Variants in MME observed in about 807,000 individuals in gnomAD.
The protein encoded by MME is neprilysin.
MME carries 98 observed loss-of-function variants against 113.2 expected under a neutral mutation model. The ratio of observed to expected loss-of-function variants is 0.87; its 90% CI spans 0.74 to 1.02. The LOEUF (loss-of-function observed/expected upper bound fraction) is 1.02. Among genes scored for constraint, MME ranks in the 50% least tolerant of loss-of-function variants. The probability of loss-of-function intolerance (pLI) is 0.00; values close to 1 mark genes in which losing one functional copy is unlikely to be tolerated. For synonymous variants in MME, 292 were observed against 300.6 expected (o/e 0.97, Z 0.30); for missense variants, 836 against 896.0 (o/e 0.93, Z 0.86).
chr3:155,069,122 G>A (rs1025433794), intron 1 of MME, among the ~76,000 whole-genome samples: 1 of 152,042 alleles, frequency 6.6e-6, no homozygotes, highest in African/African-American at 2.4e-5. Flanking sequence ...GGAATATGTT[G>A]GACTAATTTT....
chr3:155,125,189 G>A (rs142776062), intron 8 of MME, among the ~76,000 whole-genome samples: 2 of 148,720 alleles, frequency 1.3e-5, no homozygotes, highest in East Asian at 2.0e-4. Flanking sequence ...TTCCAGGTGC[G>A]TCCGTCACCC....
chr3:155,050,765 A>G (rs968579283), intron 1 of MME, among the ~76,000 whole-genome samples: 2 of 151,982 alleles, frequency 1.3e-5, no homozygotes, highest in Admixed American at 6.6e-5. Context: ...TAAATATTTT[A>G]CCCTATTCTC....
intron 20 of MME, among the ~76,000 whole-genome samples, chr3:155,169,295 T>C (rs1202999970): frequency 6.6e-6 from 1 of 152,114 alleles, no homozygotes; most frequent in Admixed American, 6.6e-5. Flanking sequence ...CGTGATATGG[T>C]TCCAGCACAT....
intron 3 of MME, among the ~76,000 whole-genome samples, chr3:155,094,042 A>G (rs1404082619): frequency 1.3e-5 from 2 of 152,142 alleles, no homozygotes; most frequent in Non-Finnish European, 2.9e-5. Flanking sequence ...ACTTTGAATT[A>G]TTTTAGGAAG....
intron 1 of MME, among the ~76,000 whole-genome samples, chr3:155,082,820 A>C (rs1405524738): frequency 6.6e-6 from 1 of 152,204 alleles, no homozygotes; most frequent in African/African-American, 2.4e-5. Flanking sequence ...CTCCCAGACC[A>C]TACTTCAAAT....
intron 3 of MME, among the ~76,000 whole-genome samples, chr3:155,102,272 G>A (rs867547743): frequency 6.6e-6 from 1 of 152,024 alleles, no homozygotes; most frequent in South Asian, 2.1e-4. Context: ...GAGAATGAAG[G>A]ATCCTTTTGG....
chr3:155,079,618 C>T (rs1271205429), upstream of MME: 1 of 822 alleles, frequency 1.2e-3, no homozygotes, highest in African/African-American at 5.2e-3. Context: ...AGCGGCGAGG[C>T]GGGGTAGGGG....
intron 17 of MME, among the ~76,000 whole-genome samples, chr3:155,165,906 A>G (rs1723057011): frequency 6.6e-6 from 1 of 152,204 alleles, no homozygotes; most frequent in Non-Finnish European, 1.5e-5. Context: ...TAGAGGGGAA[A>G]ATGAATTTGA....
chr3:155,054,511 A>C (rs1250955044), intron 1 of MME, among the ~76,000 whole-genome samples: 2 of 152,212 alleles, frequency 1.3e-5, no homozygotes. Context: ...TAATTTTGTT[A>C]AAAACTCACT....
intron 3 of MME, among the ~76,000 whole-genome samples, chr3:155,113,941 C>T (rs1718386939): frequency 6.6e-6 from 1 of 151,884 alleles, no homozygotes; most frequent in Non-Finnish European, 1.5e-5. Context: ...AGCAAACATG[C>T]CAAAAAAGTG....
intron 15 of MME, among the ~76,000 whole-genome samples, chr3:155,147,492 C>G (rs1330575838): frequency 6.6e-6 from 1 of 152,064 alleles, no homozygotes; most frequent in Non-Finnish European, 1.5e-5. Flanking sequence ...TAAAGAGTAT[C>G]AAGGAAGGGA....
At chr3:155,112,045 C>G (rs1042220407) in intron 3 of MME, among the ~76,000 whole-genome samples, 10 of 151,892 alleles carry the variant, frequency 6.6e-5, no homozygotes, top group African/African-American at 2.4e-4. Context: ...CTTTTTCTCT[C>G]TACCTTTTTT....
At chr3:155,128,374 A>G (rs761602545) in intron 8 of MME, among the ~76,000 whole-genome samples, 9 of 151,832 alleles carry the variant, frequency 5.9e-5, no homozygotes, top group Non-Finnish European at 1.2e-4. Flanking sequence ...TTTTTCCACT[A>G]CTCTGCTATC....
At chr3:155,144,101 A>G (rs1006680484) in intron 13 of MME, among the ~76,000 whole-genome samples, 1 of 152,170 alleles carries the variant, frequency 6.6e-6, no homozygotes, top group Non-Finnish European at 1.5e-5. Flanking sequence ...TATGATAGTG[A>G]AACCATTATA....
chr3:155,144,526 A>T, intron 14 of MME, 69 bp downstream of exon 14: 2 of 973,788 alleles, frequency 2.1e-6, no homozygotes, highest in Non-Finnish European at 3.2e-6. Flanking sequence ...CTTTAAAAAC[A>T]TTTAGAAAAA....
intron 8 of MME, among the ~76,000 whole-genome samples, chr3:155,119,337 G>C (rs1718898573): frequency 6.6e-6 from 1 of 151,880 alleles, no homozygotes; most frequent in African/African-American, 2.4e-5. Flanking sequence ...TCCCATAGTG[G>C]ACGTTTGGAT....
At chr3:155,030,994 C>T (rs1369699626) in intron 1 of MME, among the ~76,000 whole-genome samples, 2 of 152,210 alleles carry the variant, frequency 1.3e-5, no homozygotes, top group Admixed American at 1.3e-4. Context: ...TCCTGGGTCA[C>T]AGTCATAGCA....
chr3:155,064,448 GA>G (rs1020926010), intron 1 of MME, among the ~76,000 whole-genome samples: 3 of 152,170 alleles, frequency 2.0e-5, no homozygotes, highest in South Asian at 2.1e-4. Context: ...TGAGGCTAAG[GA>G]AAAAAGGTTT....
At chr3:155,173,841 A>G (rs1190211604) in intron 22 of MME, among the ~76,000 whole-genome samples, 1 of 152,094 alleles carries the variant, frequency 6.6e-6, no homozygotes, top group African/African-American at 2.4e-5. Flanking sequence ...TTAAGCTTTG[A>G]GGTAAGAAAC....
Sources: gnomAD v4.1 joint callset for allele counts (sites outside exome capture counted in the v4.1 genomes callset) on GRCh38, gnomAD v4.1.1 for gene constraint, MANE v1.5 for transcripts, NCBI Gene and HGNC (gene_info 2026-07-23, HGNC 2026-07-21) for gene names.